The following RAB6B variants were observed in gnomAD, a reference collection of about 807,000 sequenced individuals.
The protein encoded by RAB6B is ras-related protein Rab-6B.
A neutral mutation model predicts 31.2 loss-of-function variants in RAB6B; 7 were observed. The observed-to-expected ratio is 0.22, with a 90% confidence interval of 0.13 to 0.42. RAB6B has a LOEUF of 0.42. RAB6B is among the 10% of genes least tolerant of loss of function. The pLI is 1.00. For synonymous variants in RAB6B, 105 were observed against 104.9 expected (o/e 1.00, Z -0.01); for missense variants, 149 against 280.6 (o/e 0.53, Z 3.35).
rs746241815 is a variant in RAB6B at position 133,864,562 on chromosome 3, G to A, written c.129+22C>T. The stretch of plus-strand genomic sequence containing the variant: ...GTCAGCCACTGCCAGATGATATGGA[G>A]GGTGAGCACCCAGGACCTCACCTGG... On this transcript the variant is annotated intron_variant, in intron 2 of 7. Coordinates refer to ENST00000285208, the MANE Select transcript of RAB6B (RefSeq NM_016577.4). 31 of 1,609,676 alleles carry A rather than the reference G, an allele frequency of 1.9e-5. No individual in the cohort carries two copies. The East Asian group carries it at 2.7e-4, about 14-fold the overall frequency.
intron 1 of RAB6B, among the ~76,000 whole-genome samples, chr3:133,871,146 G>A (rs1416245263): frequency 1.1e-4 from 16 of 152,258 alleles, no homozygotes; most frequent in Admixed American, 5.2e-4. Flanking sequence ...CTCACTGTGT[G>A]CCAGTCCTGT....
chr3:133,882,793 C>A (rs1936486683), intron 1 of RAB6B, among the ~76,000 whole-genome samples: 1 of 152,146 alleles, frequency 6.6e-6, no homozygotes, highest in Non-Finnish European at 1.5e-5. Flanking sequence ...TTCTTCTGGC[C>A]CAACATCTGG....
At chr3:133,856,375 T>C (rs896904995) in intron 2 of RAB6B, among the ~76,000 whole-genome samples, 1 of 151,802 alleles carries the variant, frequency 6.6e-6, no homozygotes, top group Non-Finnish European at 1.5e-5. Context: ...GCCCATGGGT[T>C]CTCATCTTTG....
In RAB6B at chr3:133,828,079, G is replaced by A; in HGVS notation, c.*709C>T. 1 of 675,574 alleles carries A rather than the reference G, an allele frequency of 1.5e-6. No homozygotes were observed. The highest frequency in any genetic ancestry group is 2.7e-6 in the Non-Finnish European group (1 of 369,278). 41.8% of individuals were successfully genotyped at this position (675,574 alleles called of 1,614,324 possible). On this transcript the variant is annotated 3_prime_UTR_variant, in exon 8 of 8. Transcript: ENST00000285208. ...CCTCAACCCCCTTCAAGGCTTTTCA[G>A]GGAAAGAGAAGGAGAGGTGGGAGCA...
intron 1 of RAB6B, among the ~76,000 whole-genome samples, chr3:133,881,356 C>T (rs1275384455): frequency 1.3e-5 from 2 of 152,264 alleles, no homozygotes; most frequent in Non-Finnish European, 2.9e-5. Context: ...CAGACACTAT[C>T]TCTTTCGGTG....
chr3:133,883,501 T>TG (rs1287197693), intron 1 of RAB6B, among the ~76,000 whole-genome samples: 1 of 152,264 alleles, frequency 6.6e-6, no homozygotes, highest in African/African-American at 2.4e-5. Context: ...AAGGGCCCTG[T>TG]GCATGGCCAA....
At chr3:133,862,817 C>T (rs756646768) in intron 2 of RAB6B, among the ~76,000 whole-genome samples, 2 of 152,304 alleles carry the variant, frequency 1.3e-5, no homozygotes, top group East Asian at 3.9e-4. Context: ...CCCTTTGTCA[C>T]CCCCTTGCCA....
chr3:133,833,818 G>A (rs78798392), intron 7 of RAB6B, among the ~76,000 whole-genome samples: 18,171 of 152,202 alleles, frequency 0.12, 1,157 homozygotes, highest in African/African-American at 0.13. Context: ...AGGGACATCT[G>A]ACTAGATGCA....
At chr3:133,861,129 G>T (rs991691158) in intron 2 of RAB6B, among the ~76,000 whole-genome samples, 3 of 152,232 alleles carry the variant, frequency 2.0e-5, no homozygotes, top group Non-Finnish European at 4.4e-5. Flanking sequence ...AAGGGGAAGG[G>T]GGCTGGCCCC....
intron 1 of RAB6B, among the ~76,000 whole-genome samples, chr3:133,871,729 C>A (rs1936326534): frequency 6.6e-6 from 1 of 152,266 alleles, no homozygotes; most frequent in Admixed American, 6.5e-5. Flanking sequence ...GGGGGCAGAG[C>A]ACAGACATTA....
At chr3:133,852,212 C>T (rs1029913300) in intron 2 of RAB6B, among the ~76,000 whole-genome samples, 14 of 152,192 alleles carry the variant, frequency 9.2e-5, no homozygotes, top group African/African-American at 3.4e-4. Flanking sequence ...GTACTCTAGT[C>T]TCAGACTTGT....
intron 2 of RAB6B, among the ~76,000 whole-genome samples, chr3:133,857,204 G>A (rs186322967): frequency 4.7e-4 from 72 of 152,066 alleles, no homozygotes; most frequent in Non-Finnish European, 7.4e-4. Flanking sequence ...CCATCACCTC[G>A]ACTTTAATAC....
intron 1 of RAB6B, among the ~76,000 whole-genome samples, chr3:133,888,189 T>C (rs1383710601): frequency 6.6e-6 from 1 of 152,224 alleles, no homozygotes; most frequent in African/African-American, 2.4e-5. Flanking sequence ...CACAGTGACC[T>C]GGGTCTGAAT....
chr3:133,836,584 G>A (rs150904332), intron 6 of RAB6B, among the ~76,000 whole-genome samples: 24 of 152,298 alleles, frequency 1.6e-4, no homozygotes, highest in Non-Finnish European at 3.4e-4. Context: ...GGGCATCAGT[G>A]CCTCCCTGAC....
intron 2 of RAB6B, among the ~76,000 whole-genome samples, chr3:133,852,772 C>T (rs1455161816): frequency 2.0e-5 from 3 of 152,174 alleles, no homozygotes; most frequent in South Asian, 2.1e-4. Flanking sequence ...AGTCACCATG[C>T]CTGGCAAATC....
At chr3:133,846,850 T>C (rs533474579) in intron 2 of RAB6B, among the ~76,000 whole-genome samples, 13 of 152,370 alleles carry the variant, frequency 8.5e-5, no homozygotes, top group African/African-American at 2.6e-4. Flanking sequence ...TAGAATTCTA[T>C]AGCTGGTGAA....
intron 1 of RAB6B, among the ~76,000 whole-genome samples, chr3:133,888,229 T>C (rs986930094): frequency 6.6e-6 from 1 of 152,262 alleles, no homozygotes; most frequent in African/African-American, 2.4e-5. Context: ...CAGTGAGTCC[T>C]TGGGCAGGGC....
chr3:133,832,638 CCTCTGCCTGGTCCCTCTGGG>C (rs1935671745), intron 7 of RAB6B, among the ~76,000 whole-genome samples: 1 of 152,240 alleles, frequency 6.6e-6, no homozygotes, highest in South Asian at 2.1e-4. Flanking sequence ...ATGACGGCTG[CCTCTGCCTGGTCCCTCTGGG>C]ACCTCTGGTG....
chr3:133,891,108 T>C (rs145858401), intron 1 of RAB6B, among the ~76,000 whole-genome samples: 2 of 152,000 alleles, frequency 1.3e-5, no homozygotes, highest in East Asian at 3.9e-4. Flanking sequence ...GGGCAGGTGT[T>C]CCATGGTGTG....
Sources: gnomAD v4.1 joint callset for allele counts (sites outside exome capture counted in the v4.1 genomes callset) on GRCh38, gnomAD v4.1.1 for gene constraint, MANE v1.5 for transcripts, NCBI Gene and HGNC (gene_info 2026-07-23, HGNC 2026-07-21) for gene names.